Variants in PCDHGB2 observed in about 807,000 individuals in gnomAD.
PCDHGB2 encodes the protein protocadherin gamma-B2.
Under a neutral mutation model 59.3 loss-of-function variants are expected in PCDHGB2, and 55 were observed. The observed-to-expected ratio is 0.93, with a 90% CI of 0.75 to 1.16. The LOEUF is 1.16. PCDHGB2 is among the 50% of genes most tolerant of loss of function. The probability of loss-of-function intolerance (pLI) is 0.00; values close to 1 mark genes in which losing one functional copy is unlikely to be tolerated. For synonymous variants in PCDHGB2, 516 were observed against 512.0 expected, an observed-to-expected ratio of 1.01 and a Z score of -0.11; for missense variants, 1,228 against 1,198.5, an observed-to-expected ratio of 1.02 and a Z score of -0.36.
rs1173627393 is a variant in PCDHGB2 at position 141,487,102 on chromosome 5, G to A, written c.2422-7705G>A. ...CAGCTGACCTCCCACCACAGAAGCT[G>A]GTCATTGTGGTAAAGGATAGTGGTA... On this transcript the variant is annotated intron_variant, in intron 1 of 3. Coordinates refer to ENST00000522605, the MANE Select transcript of PCDHGB2 (RefSeq NM_018923.3). This position sits in a 1 kb window ranked among gnomAD's most constrained non-coding sequence, Gnocchi z 5.0. 1 of 1,613,900 alleles carries A rather than the reference G, an allele frequency of 6.2e-7. No homozygotes were observed.
intron 1 of PCDHGB2, chr5:141,423,556 G>A (rs926962652): frequency 2.5e-6 from 4 of 1,613,550 alleles, no homozygotes; most frequent in African/African-American, 2.7e-5. Flanking sequence ...GCCCAACTAT[G>A]GGGACACGCT....
chr5:141,422,492 C>G (rs747903569), intron 1 of PCDHGB2: 10 of 1,613,934 alleles, frequency 6.2e-6, no homozygotes, highest in Non-Finnish European at 8.5e-6. Flanking sequence ...TACAATATAA[C>G]GTTGACAGCC....
intron 1 of PCDHGB2, among the ~76,000 whole-genome samples, chr5:141,482,056 G>A (rs1271837619): frequency 1.3e-5 from 2 of 149,012 alleles, no homozygotes; most frequent in Non-Finnish European, 3.0e-5. Context: ...TTGCATTCCA[G>A]CCTGGGCAAC....
At chr5:141,417,030 T>G (rs1460954160) in intron 1 of PCDHGB2, 1 of 86,454 alleles carries the variant, frequency 1.2e-5, no homozygotes, top group East Asian at 2.9e-4. Flanking sequence ...AAATACAGGT[T>G]TTTTTTTTAA....
intron 1 of PCDHGB2, chr5:141,375,214 C>A: frequency 6.2e-7 from 1 of 1,613,928 alleles, no homozygotes. Flanking sequence ...GAGACTCTGG[C>A]CTGAATGGCC....
intron 1 of PCDHGB2, chr5:141,393,973 G>T (rs776954838): frequency 4.3e-6 from 7 of 1,613,668 alleles, no homozygotes; most frequent in Non-Finnish European, 5.1e-6. Context: ...TGTTACACAC[G>T]TGATAATTTA....
At chr5:141,403,551 T>G in intron 1 of PCDHGB2, 1 of 1,613,986 alleles carries the variant, frequency 6.2e-7, no homozygotes, top group Non-Finnish European at 8.5e-7. Context: ...GAGCGCGCCC[T>G]GGACAGGGAG....
chr5:141,487,749 A>G lies in PCDHGB2; in HGVS notation c.2422-7058A>G, dbSNP rs574710316. 3.9e-5 allele frequency: 60 copies of G among 1,557,180 alleles called. No homozygotes were observed. The African/African-American group carries it at 5.6e-4, about 14-fold the overall frequency. ...GTCACCATTTTTGTAAGAGGTAACT[A>G]TGTGGTAGACGCTGTGCTTTGTAAC... is the stretch of plus-strand genomic sequence containing the variant. On this transcript the variant is annotated intron_variant, in intron 1 of 3. Coordinates refer to ENST00000522605, the MANE Select transcript of PCDHGB2 (RefSeq NM_018923.3). The surrounding 1 kb of genome is among the most constrained non-coding windows in gnomAD (Gnocchi z 5.0).
chr5:141,495,005 C>A, intron 2 of PCDHGB2, 140 bp downstream of exon 2: 1 of 1,522,810 alleles, frequency 6.6e-7, no homozygotes. Context: ...TCTTGGTGTG[C>A]GGGGGGCTGG....
At chr5:141,403,831 G>T (rs1207086715) in intron 1 of PCDHGB2, 1 of 1,613,760 alleles carries the variant, frequency 6.2e-7, no homozygotes. Context: ...TGCTATTCCA[G>T]CTTAATGAAA....
At chr5:141,478,011 G>T (rs1216659966) in intron 1 of PCDHGB2, 1 of 1,614,088 alleles carries the variant, frequency 6.2e-7, no homozygotes, top group Non-Finnish European at 8.5e-7. Flanking sequence ...AGTACTGCCC[G>T]TCCAGTCCAA....
chr5:141,380,304 C>T (rs1241911160), intron 1 of PCDHGB2, among the ~76,000 whole-genome samples: 3 of 151,974 alleles, frequency 2.0e-5, no homozygotes, highest in Non-Finnish European at 2.9e-5. Flanking sequence ...TATATCTTTG[C>T]TTGAGAATGA....
chr5:141,384,953 A>G, intron 1 of PCDHGB2: 1 of 1,613,944 alleles, frequency 6.2e-7, no homozygotes, highest in Non-Finnish European at 8.5e-7. Context: ...GACGGTCCTT[A>G]CAACTATGAC....
chr5:141,384,186 TC>T (rs1369721575), intron 1 of PCDHGB2: 3 of 1,613,730 alleles, frequency 1.9e-6, no homozygotes, highest in Admixed American at 1.7e-5. Flanking sequence ...ATGGTGGAAC[TC>T]CTCCCTTGTC....
rs61612330 is a variant in PCDHGB2 at position 141,454,796 on chromosome 5, A to ATTTTTTTTTT, written c.2422-39991_2422-39982dup. Among the ~76,000 whole-genome samples, 264 of 77,454 alleles carry ATTTTTTTTTT rather than the reference A, an allele frequency of 3.4e-3. 39 individuals carry two copies. Among genetic ancestry groups the ATTTTTTTTTT allele is most frequent in the African/African-American group, 0.012 (196 of 16,878 alleles). 50.8% of individuals were successfully genotyped at this position (77,454 alleles called of 152,430 possible). A position where few individuals can be genotyped will look rare whatever the true frequency, so the allele number is the denominator to read the frequency against. ...AAGGAAATAATCCTCCATGGTTCTA[A>ATTTTTTTTTT]TTTTTTTTTTTTTTTTTTTTTTTTT... On this transcript the variant is annotated intron_variant, in intron 1 of 3. Transcript: ENST00000522605.
chr5:141,487,803 A>G lies in PCDHGB2; in HGVS notation c.2422-7004A>G. On this transcript the variant is annotated intron_variant, in intron 1 of 3. Transcript: ENST00000522605. The surrounding 1 kb of genome is among the most constrained non-coding windows in gnomAD (Gnocchi z 5.0). ...TTCGTGAATTAACCAGAGTTGTCAC[A>G]GTTTAGCATTGGGGGCGGGTCATGC... 2.0e-6 allele frequency: 3 copies of G among 1,466,166 alleles called. No individual in the cohort carries two copies. The highest frequency in any genetic ancestry group is 2.8e-6 in the Non-Finnish European group (3 of 1,084,448). The allele number at this position is 1,466,166 out of a possible 1,614,324, so 90.8% of individuals were successfully genotyped here. A position where few individuals can be genotyped will look rare whatever the true frequency, so the allele number is the denominator to read the frequency against.
At chr5:141,433,060 C>T in intron 1 of PCDHGB2, 1 of 1,614,198 alleles carries the variant, frequency 6.2e-7, no homozygotes, top group Non-Finnish European at 8.5e-7. Flanking sequence ...GGAAGAGTCA[C>T]CTGATCTTCC....
chr5:141,395,179 A>T (rs1031739375), intron 1 of PCDHGB2: 2 of 1,614,164 alleles, frequency 1.2e-6, no homozygotes, highest in Non-Finnish European at 1.7e-6. Context: ...GAGAAAAATG[A>T]TTCTTTGTTA....
intron 1 of PCDHGB2, chr5:141,402,944 G>C (rs1487270083): frequency 2.5e-6 from 4 of 1,592,136 alleles, no homozygotes; most frequent in African/African-American, 1.3e-5. Context: ...ATTCCAAAGC[G>C]AGGCAGCAAT....
Sources: allele counts gnomAD v4.1 joint callset (sites outside exome capture counted in the v4.1 genomes callset), GRCh38; gene constraint gnomAD v4.1.1; non-coding constraint Gnocchi (gnomAD v3.1); transcripts MANE v1.5; gene names NCBI Gene and HGNC (gene_info 2026-07-23, HGNC 2026-07-21).